SPOCK3: variants seen among roughly 807,000 people sequenced by gnomAD.
SPOCK3 encodes SPARC (osteonectin), cwcv and kazal like domains proteoglycan 3.
SPOCK3 carries 30 observed loss-of-function variants against 56.6 expected under a neutral mutation model. The ratio of observed to expected loss-of-function variants is 0.53; its 90% CI spans 0.40 to 0.72. SPOCK3 has a LOEUF of 0.72. Ranked by LOEUF, SPOCK3 falls within the 30% of genes least tolerant of loss-of-function variation. The probability of loss-of-function intolerance (pLI) is 0.00; values close to 1 mark genes in which losing one functional copy is unlikely to be tolerated. For missense variants in SPOCK3, 527 were observed against 530.0 expected, an observed-to-expected ratio of 0.99 and a Z score of 0.06; for synonymous variants, 196 against 183.3, an observed-to-expected ratio of 1.07 and a Z score of -0.56.
At chr4:167,046,065 A>G (rs1753680724) in intron 3 of SPOCK3, among the ~76,000 whole-genome samples, 1 of 152,144 alleles carries the variant, frequency 6.6e-6, no homozygotes, top group Admixed American at 6.5e-5. Flanking sequence ...AGTAAAATTT[A>G]ACAGGGTACA....
At chr4:167,067,228 C>G (rs1324982656) in intron 2 of SPOCK3, among the ~76,000 whole-genome samples, 1 of 151,790 alleles carries the variant, frequency 6.6e-6, no homozygotes, top group East Asian at 1.9e-4. Context: ...GCAATAAAAT[C>G]TTACTAAAAT....
At chr4:167,096,765 T>C (rs1325972063) in intron 2 of SPOCK3, among the ~76,000 whole-genome samples, 1 of 151,902 alleles carries the variant, frequency 6.6e-6, no homozygotes, top group African/African-American at 2.4e-5. Flanking sequence ...AATATGTAAA[T>C]TACATCAAGT....
intron 2 of SPOCK3, among the ~76,000 whole-genome samples, chr4:167,218,754 A>T (rs539609965): frequency 1.3e-5 from 2 of 152,302 alleles, no homozygotes; most frequent in Non-Finnish European, 2.9e-5. Context: ...AAATATGTAA[A>T]CGAAAGACAA....
rs79031869 is a variant in SPOCK3 at position 166,735,558 on chromosome 4, C to T, written c.1133-468G>A. On this transcript the variant is annotated intron_variant, in intron 10 of 10. Transcript: ENST00000357545. ...GAATTGGAGAGATTATCCTGAATTA[C>T]CCAGGTGGATCCAAATTGTCACTTA... 4.8e-3 allele frequency among the ~76,000 whole-genome samples: 723 copies of T among 152,010 alleles called. 19 individuals carry two copies. The highest frequency in any genetic ancestry group is 0.033 in the Admixed American group (505 of 15,230).
At chr4:167,223,334 TTA>T (rs1317098097) in intron 2 of SPOCK3, among the ~76,000 whole-genome samples, 2 of 145,606 alleles carry the variant, frequency 1.4e-5, no homozygotes, top group African/African-American at 5.0e-5. Flanking sequence ...GCATATATAT[TTA>T]TATATGTTTA....
intron 7 of SPOCK3, among the ~76,000 whole-genome samples, chr4:166,789,579 A>T (rs1300477131): frequency 1.3e-5 from 2 of 152,200 alleles, no homozygotes; most frequent in South Asian, 4.1e-4. Flanking sequence ...CAAAGTTTTT[A>T]ACAAAGATAT....
chr4:166,741,969 G>C, intron 9 of SPOCK3, 28 bp downstream of exon 9: 1 of 1,514,950 alleles, frequency 6.6e-7, no homozygotes, highest in South Asian at 1.1e-5. Flanking sequence ...AAGCAATAAA[G>C]CCTTCAGAAG....
chr4:166,919,707 A>G (rs1186729938), intron 4 of SPOCK3, among the ~76,000 whole-genome samples: 2 of 152,204 alleles, frequency 1.3e-5, no homozygotes, highest in African/African-American at 2.4e-5. Context: ...AAGAGTCATT[A>G]CCAGGAGTTA....
At chr4:167,009,076 T>C (rs1469491055) in intron 3 of SPOCK3, among the ~76,000 whole-genome samples, 1 of 152,172 alleles carries the variant, frequency 6.6e-6, no homozygotes, top group Non-Finnish European at 1.5e-5. Context: ...ACTAATATGC[T>C]TCATATCATA....
intron 4 of SPOCK3, among the ~76,000 whole-genome samples, chr4:166,948,400 G>A (rs140884956): frequency 2.0e-5 from 3 of 152,164 alleles, no homozygotes; most frequent in Admixed American, 6.5e-5. Flanking sequence ...TGGATCATAT[G>A]GTAATTCAAG....
chr4:167,076,097 G>T (rs1349590833), intron 2 of SPOCK3, among the ~76,000 whole-genome samples: 1 of 151,904 alleles, frequency 6.6e-6, no homozygotes, highest in Non-Finnish European at 1.5e-5. Context: ...TTCTGGAAAA[G>T]GTAAAACTAT....
At chr4:166,772,961 T>A (rs1739123950) in intron 7 of SPOCK3, among the ~76,000 whole-genome samples, 1 of 152,122 alleles carries the variant, frequency 6.6e-6, no homozygotes, top group African/African-American at 2.4e-5. Context: ...GCTAATTTTT[T>A]ATTTTTGTGT....
intron 4 of SPOCK3, among the ~76,000 whole-genome samples, chr4:166,955,426 T>C (rs998530298): frequency 6.7e-6 from 1 of 148,556 alleles, no homozygotes; most frequent in African/African-American, 2.4e-5. Flanking sequence ...TAGTTTTGAA[T>C]ATTTCCTAAA....
intron 2 of SPOCK3, among the ~76,000 whole-genome samples, chr4:167,149,885 C>A (rs1764276529): frequency 6.6e-6 from 1 of 150,938 alleles, no homozygotes; most frequent in Non-Finnish European, 1.5e-5. Flanking sequence ...AGTATAGATG[C>A]AGAGATGTGA....
chr4:166,846,364 TGTAA>T (rs1459240038), intron 6 of SPOCK3, among the ~76,000 whole-genome samples: 4 of 152,130 alleles, frequency 2.6e-5, no homozygotes, highest in African/African-American at 7.2e-5. Context: ...ATGATATAAA[TGTAA>T]GTAATATTAT....
intron 3 of SPOCK3, among the ~76,000 whole-genome samples, chr4:167,010,989 T>G (rs72699606): frequency 0.014 from 2,142 of 152,154 alleles, 31 homozygotes; most frequent in Non-Finnish European, 0.022. Flanking sequence ...TGTAAACATT[T>G]AAAACAAATT....
intron 2 of SPOCK3, among the ~76,000 whole-genome samples, chr4:167,122,221 T>C (rs1761932796): frequency 6.6e-6 from 1 of 152,002 alleles, no homozygotes; most frequent in African/African-American, 2.4e-5. Context: ...CAAGCACATC[T>C]CACTGCAGCC....
chr4:166,773,029 C>T (rs1458316977), intron 7 of SPOCK3, among the ~76,000 whole-genome samples: 2 of 152,082 alleles, frequency 1.3e-5, no homozygotes, highest in Non-Finnish European at 2.9e-5. Flanking sequence ...TGGCCTCAAG[C>T]AATTTGCCTG....
At chr4:167,077,045 AAT>A (rs1757253804) in intron 2 of SPOCK3, among the ~76,000 whole-genome samples, 1 of 151,864 alleles carries the variant, frequency 6.6e-6, no homozygotes. Flanking sequence ...ATTGCATTAA[AAT>A]ATGTCAATTG....
Sources: gnomAD v4.1 joint callset for allele counts (sites outside exome capture counted in the v4.1 genomes callset) on GRCh38, gnomAD v4.1.1 for gene constraint, MANE v1.5 for transcripts, NCBI Gene and HGNC (gene_info 2026-07-23, HGNC 2026-07-21) for gene names.